The following HDAC9 variants were observed in gnomAD, a reference collection of about 807,000 sequenced individuals.
The protein encoded by HDAC9 is histone deacetylase 9.
In HDAC9, 41 loss-of-function variants were observed where a neutral mutation model predicts 139.4. The observed-to-expected ratio is 0.29, with a 90% CI of 0.23 to 0.38. The LOEUF (loss-of-function observed/expected upper bound fraction) is 0.38. HDAC9 is among the 10% of genes least tolerant of loss of function. The pLI, the probability that HDAC9 is intolerant of heterozygous loss-of-function variation, is 1.00. For missense variants in HDAC9, 1,147 were observed against 1,297.0 expected, an observed-to-expected ratio of 0.88 and a Z score of 1.78; for synonymous variants, 517 against 476.2, an observed-to-expected ratio of 1.09 and a Z score of -1.12.
chr7:18,987,429 G>A (rs2129346313), intron 25 of HDAC9, among the ~76,000 whole-genome samples: 1 of 152,296 alleles, frequency 6.6e-6, no homozygotes, highest in South Asian at 2.1e-4. Flanking sequence ...ACTTGATCAT[G>A]GTGGATAAGC....
intron 1 of HDAC9, among the ~76,000 whole-genome samples, chr7:18,134,739 A>T (rs956470552): frequency 6.6e-6 from 1 of 152,138 alleles, no homozygotes; most frequent in Non-Finnish European, 1.5e-5. Context: ...TACCAGAAAT[A>T]TTCTTCTCTC....
intron 1 of HDAC9, among the ~76,000 whole-genome samples, chr7:18,438,019 G>A (rs1393829252): frequency 1.3e-5 from 2 of 150,120 alleles, no homozygotes; most frequent in East Asian, 3.9e-4. Flanking sequence ...AACATGTCTT[G>A]GACATCTTTA....
At chr7:18,566,016 T>C (rs1822223288) in intron 2 of HDAC9, among the ~76,000 whole-genome samples, 1 of 152,192 alleles carries the variant, frequency 6.6e-6, no homozygotes, top group South Asian at 2.1e-4. Flanking sequence ...GGTATTATAT[T>C]ACTGTATAGT....
intron 1 of HDAC9, among the ~76,000 whole-genome samples, chr7:18,092,475 G>A (rs1782233406): frequency 6.6e-6 from 1 of 151,372 alleles, no homozygotes. Flanking sequence ...GTAGAAACAA[G>A]GCTCCAAATC....
At chr7:18,889,879 A>T (rs1004629491) in intron 22 of HDAC9, among the ~76,000 whole-genome samples, 4 of 152,110 alleles carry the variant, frequency 2.6e-5, no homozygotes, top group African/African-American at 4.8e-5. Context: ...CCTGTAAAAA[A>T]TTTTTTGTAG....
upstream of HDAC9, chr7:18,086,890 C>T (rs914962955): frequency 1.2e-4 from 18 of 145,942 alleles, no homozygotes; most frequent in Admixed American, 1.2e-3. Context: ...GCCGCCCTCC[C>T]GAGCCCCCCC....
chr7:18,278,539 G>C, intron 2 of HDAC9, among the ~76,000 whole-genome samples: 1 of 152,238 alleles, frequency 6.6e-6, no homozygotes, highest in East Asian at 1.9e-4. Flanking sequence ...ATATAATACA[G>C]ACTTTTCCCT....
chr7:18,616,055 G>A (rs1284844207), intron 6 of HDAC9, among the ~76,000 whole-genome samples: 2 of 152,086 alleles, frequency 1.3e-5, no homozygotes, highest in Non-Finnish European at 2.9e-5. Context: ...TCCCATCCTC[G>A]TGGCCACTAG....
At chr7:18,981,820 C>T (rs574557325) in intron 25 of HDAC9, among the ~76,000 whole-genome samples, 21 of 152,128 alleles carry the variant, frequency 1.4e-4, no homozygotes, top group Admixed American at 1.3e-3. Context: ...CATATTCACA[C>T]GTTCCAAGGA....
intron 1 of HDAC9, among the ~76,000 whole-genome samples, chr7:18,148,187 T>G (rs939552642): frequency 1.3e-5 from 2 of 152,218 alleles, no homozygotes; most frequent in African/African-American, 4.8e-5. Flanking sequence ...AAATGTATTA[T>G]CTTCGAGTTC....
chr7:18,717,678 G>A (rs528102585), intron 12 of HDAC9, among the ~76,000 whole-genome samples: 20 of 151,888 alleles, frequency 1.3e-4, no homozygotes, highest in Non-Finnish European at 2.5e-4. Context: ...TGATCCACCC[G>A]CCTCGGCCTC....
chr7:18,092,763 C>G (rs755849096), intron 1 of HDAC9, among the ~76,000 whole-genome samples: 43 of 152,106 alleles, frequency 2.8e-4, no homozygotes, highest in Admixed American at 2.6e-4. Flanking sequence ...ATGATGACTT[C>G]TTGGAAGAGA....
chr7:18,163,803 A>G (rs928789581), intron 2 of HDAC9, among the ~76,000 whole-genome samples: 1 of 152,176 alleles, frequency 6.6e-6, no homozygotes, highest in Non-Finnish European at 1.5e-5. Flanking sequence ...GTGTTTCAAA[A>G]TTGGATTGTT....
intron 13 of HDAC9, among the ~76,000 whole-genome samples, chr7:18,732,943 A>G (rs371483845): frequency 7.7e-6 from 1 of 130,566 alleles, no homozygotes; most frequent in East Asian, 2.2e-4. Flanking sequence ...GTATGTGTAT[A>G]CACACGTGTA....
chr7:18,821,926 G>A (rs1232328118), intron 17 of HDAC9, among the ~76,000 whole-genome samples: 1 of 152,186 alleles, frequency 6.6e-6, no homozygotes, highest in Non-Finnish European at 1.5e-5. Flanking sequence ...TACTATGAGA[G>A]ACACAACTCA....
At chr7:18,942,618 A>T (rs1339368046) in intron 23 of HDAC9, among the ~76,000 whole-genome samples, 4 of 152,100 alleles carry the variant, frequency 2.6e-5, no homozygotes, top group African/African-American at 4.8e-5. Context: ...AATAACTATT[A>T]GCAATTTTCC....
chr7:18,373,032 A>G (rs1191971032), intron 1 of HDAC9, among the ~76,000 whole-genome samples: 3 of 152,182 alleles, frequency 2.0e-5, no homozygotes, highest in Non-Finnish European at 4.4e-5. Flanking sequence ...ACTATTCACT[A>G]TATTCTAACT....
chr7:18,522,006 T>C (rs1805211687), intron 2 of HDAC9, among the ~76,000 whole-genome samples: 1 of 152,152 alleles, frequency 6.6e-6, no homozygotes, highest in South Asian at 2.1e-4. Context: ...TCTTGAGAAA[T>C]GGTGGTGAGA....
intron 1 of HDAC9, among the ~76,000 whole-genome samples, chr7:18,415,248 G>A (rs114163200): frequency 2.6e-3 from 394 of 152,240 alleles, no homozygotes; most frequent in African/African-American, 8.9e-3. Flanking sequence ...AAGTGTATGT[G>A]TTTTTCTGTG....
Sources: allele counts gnomAD v4.1 joint callset (sites outside exome capture counted in the v4.1 genomes callset), GRCh38; gene constraint gnomAD v4.1.1; transcripts MANE v1.5; gene names NCBI Gene and HGNC (gene_info 2026-07-23, HGNC 2026-07-21).